The following COPG1 variants were observed in gnomAD, a reference collection of about 807,000 sequenced individuals.
COPG1 encodes the protein coatomer subunit gamma-1.
A neutral mutation model predicts 102.8 loss-of-function variants in COPG1; 29 were observed. The observed-to-expected ratio is 0.28, with a 90% CI of 0.21 to 0.38. The LOEUF (loss-of-function observed/expected upper bound fraction) is 0.38. COPG1 is among the 10% of genes least tolerant of loss of function. The probability of loss-of-function intolerance (pLI) is 1.00; values close to 1 mark genes in which losing one functional copy is unlikely to be tolerated. For synonymous variants in COPG1, 406 were observed against 421.6 expected (o/e 0.96, Z 0.45); for missense variants, 875 against 1,132.7 (o/e 0.77, Z 3.27).
At chr3:129,250,577 A>T in intron 1 of COPG1, 105 bp from the exon 2 acceptor site, 1 of 901,810 alleles carries the variant, frequency 1.1e-6, no homozygotes, top group Non-Finnish European at 1.8e-6. Flanking sequence ...AGGAGTTTGA[A>T]CTTTACTAGA....
intron 15 of COPG1, 24 bp from the exon 16 acceptor site, chr3:129,267,913 G>A (rs1056176025): frequency 6.2e-7 from 1 of 1,604,634 alleles, no homozygotes; most frequent in Non-Finnish European, 8.5e-7. Context: ...TCCCAGTCAG[G>A]ACCACCTTGT....
chr3:129,259,988 T>C (rs1287069100), intron 10 of COPG1, among the ~76,000 whole-genome samples: 3 of 152,212 alleles, frequency 2.0e-5, no homozygotes, highest in African/African-American at 7.2e-5. Flanking sequence ...TAAAGTTTGT[T>C]TGCTTTCCCC....
intron 12 of COPG1, among the ~76,000 whole-genome samples, chr3:129,262,924 G>A (rs1191282340): frequency 6.6e-6 from 1 of 151,496 alleles, no homozygotes; most frequent in East Asian, 1.9e-4. Context: ...GGAGGCTGAG[G>A]TAGGAGAGTC....
chr3:129,277,706 A>T lies in COPG1; in HGVS notation c.*282A>T. 1 of 315,046 alleles carries T rather than the reference A, an allele frequency of 3.2e-6. No individual in the cohort carries two copies. The highest frequency in any genetic ancestry group is 6.1e-6 in the Non-Finnish European group (1 of 163,294). 19.5% of individuals were successfully genotyped at this position (315,046 alleles called of 1,614,324 possible). On this transcript the variant is annotated 3_prime_UTR_variant, in exon 24 of 24. Transcript: ENST00000314797. ...ATTGTAAATGAATAAAACATTCTCA[A>T]CTCCTCTTGAATCTATCCCCCAAGA... is the stretch of plus-strand genomic sequence containing the variant.
At position 129,265,788 on chromosome 3, in the gene COPG1, G is replaced by A; in HGVS notation, c.1464G>A (p.Arg488=). 6.2e-7 allele frequency: 1 copy of A among 1,613,844 alleles called. No individual in the cohort carries two copies. The highest frequency in any genetic ancestry group is 1.1e-5 in the South Asian group (1 of 91,038). ...TGGTCTTGGAGCATGAGGAGGTCCG[G>A]GCAGGTAGGTCTGAGCCAGGGCTGA... ...NRVVLEHEEV[R]AGAVSALAKF... The change falls in exon 14 of 24, where the codon CGG becomes CGA. Residue 488 remains arginine, a synonymous_variant. Coordinates refer to ENST00000314797, the MANE Select transcript of COPG1 (RefSeq NM_016128.4).
intron 21 of COPG1, 92 bp downstream of exon 21, chr3:129,272,996 G>T (rs2107679544): frequency 3.5e-6 from 2 of 565,228 alleles, no homozygotes; most frequent in South Asian, 3.0e-5. Context: ...GCTGTTTTTG[G>T]CTTTTTAGCT....
intron 1 of COPG1, 102 bp downstream of exon 1, chr3:129,249,848 G>A: frequency 7.8e-7 from 1 of 1,280,896 alleles, no homozygotes; most frequent in Non-Finnish European, 1.1e-6. Context: ...CCAGTGAGGG[G>A]CAGGGGCTTG....
Position 129,274,821 on chromosome 3 carries a change from T to C in COPG1, c.2257-17T>C, listed in dbSNP as rs749151065. 35 of 1,613,270 alleles carry C rather than the reference T, an allele frequency of 2.2e-5. No homozygotes were observed. The highest frequency in any genetic ancestry group is 2.8e-5 in the Non-Finnish European group (33 of 1,179,704). On this transcript the variant is annotated splice_polypyrimidine_tract_variant and intron_variant, in intron 21 of 23. Coordinates refer to ENST00000314797, the MANE Select transcript of COPG1 (RefSeq NM_016128.4). ...GGTGTGTAGATGGGTGCCTGATTTCTACCTCCATCTCTCCAGCTGGAAGAT... is the reference window on the plus strand; with the variant it reads ...GGTGTGTAGATGGGTGCCTGATTTCCACCTCCATCTCTCCAGCTGGAAGAT...
At chr3:129,266,488 T>C (rs1940063843) in intron 14 of COPG1, among the ~76,000 whole-genome samples, 1 of 152,168 alleles carries the variant, frequency 6.6e-6, no homozygotes, top group African/African-American at 2.4e-5. Flanking sequence ...AAAAGCTTTG[T>C]TGAGATATAA....
intron 12 of COPG1, among the ~76,000 whole-genome samples, chr3:129,262,977 C>A (rs560457081): frequency 4.8e-4 from 69 of 142,894 alleles, no homozygotes; most frequent in African/African-American, 1.7e-3. Flanking sequence ...AAGCCGAGAT[C>A]GTGCCACTGC....
At chr3:129,252,217 T>G (rs1939714042) in intron 2 of COPG1, 64 bp from the exon 3 acceptor site, 1 of 1,156,648 alleles carries the variant, frequency 8.6e-7, no homozygotes, top group Non-Finnish European at 1.3e-6. Context: ...TTCTCAGACA[T>G]TGAATATACT....
Position 129,257,831 on chromosome 3 carries a change from G to A in COPG1, c.842G>A (p.Ser281Asn). The A allele has an allele frequency of 6.2e-7, 1 of 1,613,852 alleles. No homozygotes were observed. Among genetic ancestry groups the A allele is most frequent in the Non-Finnish European group, 8.5e-7 (1 of 1,180,018 alleles). The change falls in exon 10 of 24, where the codon AGT (serine) becomes AAT (asparagine). Residue 281 changes from serine to asparagine, a missense_variant. Transcript: ENST00000314797. The stretch of plus-strand genomic sequence containing the variant: ...GCCATCGTCAATCTGCCAGGCTGCA[G>A]TGCCAAAGAGCTGGCCCCGGCTGTG... ...ASAIVNLPGC[S>N]AKELAPAVSV...
intron 12 of COPG1, among the ~76,000 whole-genome samples, chr3:129,263,035 A>G (rs1244760062): frequency 8.0e-6 from 1 of 124,252 alleles, no homozygotes; most frequent in African/African-American, 4.2e-5. Context: ...AAAAAAAAAA[A>G]GAGTCCTTCT....
chr3:129,261,964 T>A (rs1939934435), intron 12 of COPG1, among the ~76,000 whole-genome samples: 1 of 152,226 alleles, frequency 6.6e-6, no homozygotes, highest in Admixed American at 6.5e-5. Context: ...ATGAAGTATG[T>A]CACCGGAGAG....
At chr3:129,256,415 T>C (rs1939810972) in intron 8 of COPG1, among the ~76,000 whole-genome samples, 1 of 152,240 alleles carries the variant, frequency 6.6e-6, no homozygotes, top group African/African-American at 2.4e-5. Flanking sequence ...CTGAGTATTG[T>C]TTTGGAGCAT....
intron 14 of COPG1, 38 bp from the exon 15 acceptor site, chr3:129,266,986 G>T (rs771031105): frequency 6.3e-7 from 1 of 1,580,962 alleles, no homozygotes; most frequent in East Asian, 2.2e-5. Flanking sequence ...GAGTTGTCAG[G>T]GTGCATTGGG....
intron 2 of COPG1, among the ~76,000 whole-genome samples, chr3:129,251,895 C>T (rs1939707338): frequency 6.9e-6 from 1 of 145,558 alleles, no homozygotes; most frequent in African/African-American, 2.6e-5. Context: ...ACCATGTTGG[C>T]CAGGCTGGTC....
Position 129,267,095 on chromosome 3 carries a change from A to G in COPG1, c.1540A>G (p.Lys514Glu), listed in dbSNP as rs1432223789. 6.2e-7 allele frequency: 1 copy of G among 1,613,578 alleles called. No individual in the cohort carries two copies. Among genetic ancestry groups the G allele is most frequent in the South Asian group, 1.1e-5 (1 of 91,042 alleles). ...GTTACCCAGTATCTTGGTGTTGCTG[A>G]AGAGGTGAGTCTAGGCCCAGGGGCC... is the stretch of plus-strand genomic sequence containing the variant. ...EMLPSILVLL[K>E]RCVMDDDNEV... The change falls in exon 15 of 24, where the codon AAG (lysine) becomes GAG (glutamate). Residue 514 changes from lysine (K) to glutamate (E), a missense_variant. Physicochemically the swap from Lys to Glu is moderately conservative, Grantham distance 56. Transcript: ENST00000314797.
chr3:129,268,999 G>A lies in COPG1; in HGVS notation c.1842G>A (p.Gln614=), dbSNP rs142734243. 18 of 1,613,952 alleles carry A rather than the reference G, an allele frequency of 1.1e-5. No homozygotes were observed. The highest frequency in any genetic ancestry group is 1.5e-5 in the Non-Finnish European group (18 of 1,179,842). Reference sequence around the variant, plus strand: ...CAGCTACCAGGCAGGAGATCTTCCAGGGTGAGTCACAGTGGTTGGGGGATG... The same window carrying A: ...CAGCTACCAGGCAGGAGATCTTCCAAGGTGAGTCACAGTGGTTGGGGGATG... ...KVAATRQEIF[Q]EQLAAVPEFR... The change falls in exon 18 of 24, where the codon CAG becomes CAA. Residue 614 remains glutamine, a splice_region_variant and synonymous_variant. Transcript: ENST00000314797.
Sources: allele counts gnomAD v4.1 joint callset (sites outside exome capture counted in the v4.1 genomes callset), GRCh38; gene constraint gnomAD v4.1.1; transcripts MANE v1.5; gene names NCBI Gene and HGNC (gene_info 2026-07-23, HGNC 2026-07-21).